The following NTM variants were observed in gnomAD, a reference collection of about 807,000 sequenced individuals.
The protein encoded by NTM is neurotrimin.
In NTM, 13 loss-of-function variants were observed where a neutral mutation model predicts 42.1. That is an observed-to-expected ratio of 0.31 (90% CI 0.20 to 0.49). The LOEUF is 0.49. Ranked by LOEUF, NTM falls within the 20% of genes least tolerant of loss-of-function variation. NTM has a pLI of 0.99. For synonymous variants in NTM, 187 were observed against 179.2 expected (o/e 1.04, Z -0.35); for missense variants, 373 against 452.8 (o/e 0.82, Z 1.60).
chr11:131,687,189 C>G (rs920761186), intron 1 of NTM, among the ~76,000 whole-genome samples: 4 of 152,210 alleles, frequency 2.6e-5, no homozygotes, highest in African/African-American at 9.7e-5. Context: ...TTTCACTAAC[C>G]CCATGTTCCA....
intron 1 of NTM, among the ~76,000 whole-genome samples, chr11:131,853,831 A>G (rs191790894): frequency 2.0e-5 from 3 of 152,300 alleles, no homozygotes; most frequent in Admixed American, 2.0e-4. Context: ...GTCTTCCACA[A>G]TGGCTATACT....
chr11:131,795,924 G>A, intron 1 of NTM: 1 of 977,088 alleles, frequency 1.0e-6, no homozygotes, highest in Non-Finnish European at 1.2e-6. Flanking sequence ...AGTAAGCGAT[G>A]CCTGAGCTGC....
chr11:131,390,661 A>G (rs879694523), intron 1 of NTM, among the ~76,000 whole-genome samples: 2 of 152,160 alleles, frequency 1.3e-5, no homozygotes, highest in Admixed American at 6.5e-5. Flanking sequence ...AACAGTGGTA[A>G]CCATCAGCAT....
chr11:132,090,004 C>G (rs1265516193), intron 2 of NTM, among the ~76,000 whole-genome samples: 2 of 152,100 alleles, frequency 1.3e-5, no homozygotes, highest in Non-Finnish European at 2.9e-5. Context: ...GTATGCTAAT[C>G]ACTCTTCCAG....
At chr11:132,258,417 G>A (rs567192591) in intron 4 of NTM, among the ~76,000 whole-genome samples, 23 of 152,262 alleles carry the variant, frequency 1.5e-4, no homozygotes, top group Middle Eastern at 3.4e-3. Context: ...GTCGCTCGAT[G>A]TTGCCAAATA....
In NTM at chr11:131,777,065, T is replaced by C. The variant is rs544516578; in HGVS notation, c.83-134499T>C. 445 of 946,904 alleles carry C rather than the reference T, an allele frequency of 4.7e-4. 4 individuals are homozygous for C. In the South Asian group the frequency reaches 0.019, roughly 41 times the overall value. The allele number at this position is 946,904 out of a possible 1,614,324, so 58.7% of individuals were successfully genotyped here. ...GGGTGGCAGAAAGTTGCTTCTGCCA[T>C]ACATAGAAAAGGTGTTGGAAGAAAT... On this transcript the variant is annotated intron_variant, in intron 1 of 8. Transcript: ENST00000683400.
chr11:132,329,998 TG>T, intron 7 of NTM, 154 bp from the exon 8 acceptor site: 1 of 776,792 alleles, frequency 1.3e-6, no homozygotes, highest in Non-Finnish European at 1.6e-6. Context: ...ATAGGAGGGC[TG>T]GGCAGTGGTC....
At chr11:131,505,538 G>C (rs1363335511) in intron 1 of NTM, among the ~76,000 whole-genome samples, 1 of 152,134 alleles carries the variant, frequency 6.6e-6, no homozygotes, top group Non-Finnish European at 1.5e-5. Context: ...CTTTTCACAG[G>C]TGAGGACACT....
At chr11:131,426,876 G>A (rs1257244486) in intron 1 of NTM, among the ~76,000 whole-genome samples, 1 of 152,066 alleles carries the variant, frequency 6.6e-6, no homozygotes, top group Non-Finnish European at 1.5e-5. Flanking sequence ...ATCCACAGAA[G>A]CACCTCACCC....
chr11:131,764,122 A>T (rs1484631160), intron 1 of NTM, among the ~76,000 whole-genome samples: 1 of 152,146 alleles, frequency 6.6e-6, no homozygotes, highest in Non-Finnish European at 1.5e-5. Context: ...ATTAATATTA[A>T]TGGCCATAAC....
At chr11:131,983,052 A>ATTTTTTTTTTTTTTT (rs11418861) in intron 2 of NTM, among the ~76,000 whole-genome samples, 1 of 145,396 alleles carries the variant, frequency 6.9e-6, no homozygotes, top group Non-Finnish European at 1.5e-5. Flanking sequence ...AAGGAAAATG[A>ATTTTTTTTTTTTTTT]TTTTTTTTTT....
intron 1 of NTM, among the ~76,000 whole-genome samples, chr11:131,389,826 CAG>C (rs921511754): frequency 4.6e-5 from 7 of 152,092 alleles, no homozygotes; most frequent in Admixed American, 1.3e-4. Flanking sequence ...TCTGTTTCAA[CAG>C]AGAGTGAGTA....
intron 2 of NTM, among the ~76,000 whole-genome samples, chr11:131,962,442 T>C (rs1020087730): frequency 2.4e-4 from 36 of 152,170 alleles, no homozygotes; most frequent in African/African-American, 8.4e-4. Flanking sequence ...GCCCTCATAA[T>C]GGAATTAGTG....
At chr11:132,324,798 C>T (rs2095644857) in intron 7 of NTM, among the ~76,000 whole-genome samples, 1 of 149,632 alleles carries the variant, frequency 6.7e-6, no homozygotes, top group African/African-American at 2.5e-5. Flanking sequence ...ACCAAAACAG[C>T]ATGGTACTGG....
At chr11:131,471,729 A>G (rs1429800848) in intron 1 of NTM, among the ~76,000 whole-genome samples, 1 of 152,168 alleles carries the variant, frequency 6.6e-6, no homozygotes, top group Non-Finnish European at 1.5e-5. Context: ...TGCTTACTCC[A>G]GGGTCTCCAG....
chr11:131,981,443 A>C (rs1224129610), intron 2 of NTM: 1 of 152,112 alleles, frequency 6.6e-6, no homozygotes, highest in Non-Finnish European at 1.5e-5. Flanking sequence ...GTCTTGATGA[A>C]TCTCTGCAGG....
chr11:132,018,129 GTC>G (rs1381980037), intron 2 of NTM, among the ~76,000 whole-genome samples: 1 of 151,018 alleles, frequency 6.6e-6, no homozygotes, highest in Non-Finnish European at 1.5e-5. Flanking sequence ...CTGTCTCTCT[GTC>G]TCTCTTTTCC....
chr11:131,545,883 C>T (rs913564638), intron 1 of NTM, among the ~76,000 whole-genome samples: 3 of 152,152 alleles, frequency 2.0e-5, no homozygotes, highest in African/African-American at 7.2e-5. Context: ...AATATCCGAG[C>T]ATTATCTAAC....
At chr11:131,826,020 C>G (rs1164560738) in intron 1 of NTM, among the ~76,000 whole-genome samples, 1 of 151,978 alleles carries the variant, frequency 6.6e-6, no homozygotes, top group African/African-American at 2.4e-5. Flanking sequence ...AATAAAATGT[C>G]TTGGGGAGAG....
Sources: allele counts gnomAD v4.1 joint callset (sites outside exome capture counted in the v4.1 genomes callset), GRCh38; gene constraint gnomAD v4.1.1; transcripts MANE v1.5; gene names NCBI Gene and HGNC (gene_info 2026-07-23, HGNC 2026-07-21).